The following CSMD3 variants were observed in gnomAD, a reference collection of about 807,000 sequenced individuals.
The protein encoded by CSMD3 is CUB and sushi domain-containing protein 3.
In CSMD3, 177 loss-of-function variants were observed where a neutral mutation model predicts 435.2. That is an observed-to-expected ratio of 0.41 (90% CI 0.36 to 0.46). CSMD3 has a LOEUF of 0.46. Among genes scored for constraint, CSMD3 ranks in the 20% least tolerant of loss-of-function variants. The pLI, the probability that CSMD3 is intolerant of heterozygous loss-of-function variation, is 0.34. For synonymous variants in CSMD3, 1,656 were observed against 1,520.5 expected (o/e 1.09, Z -2.07); for missense variants, 4,265 against 4,504.6 (o/e 0.95, Z 1.52).
chr8:113,357,805 A>C (rs1189937925), intron 1 of CSMD3, among the ~76,000 whole-genome samples: 3 of 152,038 alleles, frequency 2.0e-5, no homozygotes, highest in Non-Finnish European at 4.4e-5. Flanking sequence ...GGTGTATAGC[A>C]CTTCCCCCTT....
At chr8:112,823,274 CT>C (rs1233025536) in intron 12 of CSMD3, among the ~76,000 whole-genome samples, 1 of 152,070 alleles carries the variant, frequency 6.6e-6, no homozygotes, top group East Asian at 1.9e-4. Context: ...TGGGCTTTTT[CT>C]GGTTGGTACT....
At chr8:112,250,852 T>C (rs890077271) in intron 63 of CSMD3, among the ~76,000 whole-genome samples, 1 of 151,948 alleles carries the variant, frequency 6.6e-6, no homozygotes, top group African/African-American at 2.4e-5. Flanking sequence ...AGTACCATGT[T>C]GTGTATAAAT....
intron 12 of CSMD3, among the ~76,000 whole-genome samples, chr8:112,811,894 A>G (rs2079238202): frequency 6.6e-6 from 1 of 152,092 alleles, no homozygotes. Flanking sequence ...CCTCTCAAAC[A>G]CCTTGGTTTA....
intron 27 of CSMD3, among the ~76,000 whole-genome samples, chr8:112,525,768 A>AT (rs1279067208): frequency 4.7e-4 from 66 of 141,670 alleles, no homozygotes; most frequent in African/African-American, 7.3e-4. Flanking sequence ...ATATATATAT[A>AT]TATTTATATG....
intron 22 of CSMD3, among the ~76,000 whole-genome samples, chr8:112,634,178 G>A (rs898543646): frequency 1.3e-5 from 2 of 151,780 alleles, no homozygotes; most frequent in African/African-American, 4.8e-5. Context: ...TCCTAAAAGT[G>A]GACATCTGCT....
chr8:113,255,569 C>T (rs1171057642), intron 3 of CSMD3, among the ~76,000 whole-genome samples: 1 of 151,832 alleles, frequency 6.6e-6, no homozygotes, highest in Non-Finnish European at 1.5e-5. Flanking sequence ...CCCTGATCAC[C>T]AACTAAAACA....
At chr8:112,361,960 T>C (rs1356576149) in intron 38 of CSMD3, among the ~76,000 whole-genome samples, 1 of 151,858 alleles carries the variant, frequency 6.6e-6, no homozygotes, top group African/African-American at 2.4e-5. Context: ...AAGACAACTA[T>C]TATGTTTATG....
At chr8:113,408,746 C>T (rs1381641398) in intron 1 of CSMD3, among the ~76,000 whole-genome samples, 3 of 151,906 alleles carry the variant, frequency 2.0e-5, no homozygotes, top group Non-Finnish European at 4.4e-5. Flanking sequence ...CAACCTCTCC[C>T]TCCTGGGTTC....
intron 13 of CSMD3, among the ~76,000 whole-genome samples, chr8:112,788,451 C>G (rs2132278009): frequency 6.6e-6 from 1 of 152,230 alleles, no homozygotes; most frequent in South Asian, 2.1e-4. Flanking sequence ...CCACCTCCTA[C>G]TTAGCCACAG....
intron 5 of CSMD3, among the ~76,000 whole-genome samples, chr8:113,054,090 A>G (rs1024726752): frequency 6.6e-6 from 1 of 152,146 alleles, no homozygotes; most frequent in African/African-American, 2.4e-5. Flanking sequence ...CACTCTTGTT[A>G]TGACATTTTG....
At chr8:112,361,608 T>C (rs1048884675) in intron 38 of CSMD3, among the ~76,000 whole-genome samples, 2 of 109,310 alleles carry the variant, frequency 1.8e-5, no homozygotes, top group African/African-American at 3.6e-5. Context: ...TATATATATA[T>C]ATATATATAT....
In CSMD3 at chr8:112,645,180, G is replaced by A. The variant is rs2131612898; in HGVS notation, c.3239C>T (p.Ser1080Leu). ...TGGATAAAATTCCGGGTAACCAGGT[G>A]ATAAGATTGTTCCACTAGGCCCTCT... ...DVRGPSGTIL[S>L]PGYPEFYPNS... is the part of the protein sequence containing the mutation. Residue 1080 changes from serine (S) to leucine (L), a missense_variant, in exon 20 of 71, where the codon TCA becomes TTA. Physicochemically the swap from Ser to Leu is moderately radical, Grantham distance 145. This residue lies in a region of CSMD3 where 3,255 missense variants were observed against 3,380.2 expected (regional missense o/e 0.96). Transcript: ENST00000297405. The A allele has an allele frequency of 6.2e-7, 1 of 1,608,272 alleles. No individual in the cohort carries two copies. Among genetic ancestry groups the A allele is most frequent in the Non-Finnish European group, 8.5e-7 (1 of 1,174,768 alleles).
At chr8:112,702,517 A>G (rs59975810) in intron 13 of CSMD3, among the ~76,000 whole-genome samples, 50,604 of 151,792 alleles carry the variant, frequency 0.33, 9,321 homozygotes, top group African/African-American at 0.5. Flanking sequence ...TGAGTGCTGG[A>G]TATCTTCTGT....
At chr8:112,730,029 G>A (rs2077043050) in intron 13 of CSMD3, among the ~76,000 whole-genome samples, 1 of 152,088 alleles carries the variant, frequency 6.6e-6, no homozygotes, top group Non-Finnish European at 1.5e-5. Context: ...TTATAAATCT[G>A]AAGTACAATT....
chr8:112,787,593 G>T (rs1016022493), intron 13 of CSMD3, among the ~76,000 whole-genome samples: 32 of 152,258 alleles, frequency 2.1e-4, no homozygotes, highest in African/African-American at 7.7e-4. Context: ...ACACAATGGA[G>T]TATTATTCAG....
intron 10 of CSMD3, among the ~76,000 whole-genome samples, chr8:112,903,151 C>CAAAA (rs763330055): frequency 5.2e-4 from 28 of 53,788 alleles, no homozygotes; most frequent in Middle Eastern, 0.014. Context: ...GCAGTCTTGG[C>CAAAA]AAAAAAAAAA....
chr8:112,598,215 A>C (rs1037937912), intron 22 of CSMD3, among the ~76,000 whole-genome samples: 1 of 129,808 alleles, frequency 7.7e-6, no homozygotes, highest in Admixed American at 7.8e-5. Context: ...GCATTCTTAT[A>C]CACCAACAAC....
chr8:112,793,509 AT>A (rs2078746619), intron 13 of CSMD3, among the ~76,000 whole-genome samples: 1 of 152,142 alleles, frequency 6.6e-6, no homozygotes, highest in African/African-American at 2.4e-5. Context: ...TGTTGTTAAA[AT>A]AAAAACTTGC....
intron 11 of CSMD3, 127 bp from the exon 12 acceptor site, chr8:112,829,916 C>A (rs1030500748): frequency 5.4e-6 from 3 of 557,790 alleles, no homozygotes; most frequent in South Asian, 4.6e-5. Context: ...CACACACACA[C>A]ACACACACAC....
Sources: gnomAD v4.1 joint callset for allele counts (sites outside exome capture counted in the v4.1 genomes callset) on GRCh38, gnomAD v4.1.1 for gene constraint, gnomAD v4.1.1 regional missense constraint, MANE v1.5 for transcripts, NCBI Gene and HGNC (gene_info 2026-07-23, HGNC 2026-07-21) for gene names.